Variants in C8orf88 observed in about 807,000 individuals in gnomAD.
The protein encoded by C8orf88 is uncharacterized protein C8orf88.
C8orf88 carries 14 observed loss-of-function variants against 18.4 expected under a neutral mutation model. That is an observed-to-expected ratio of 0.76 (90% CI 0.50 to 1.19). The LOEUF (loss-of-function observed/expected upper bound fraction) is 1.19. Among genes scored for constraint, C8orf88 ranks in the 50% most tolerant of loss-of-function variants. C8orf88 has a pLI of 0.00. For synonymous variants in C8orf88, 45 were observed against 42.9 expected (o/e 1.05, Z -0.19); for missense variants, 116 against 134.7 (o/e 0.86, Z 0.69).
chr8:90,958,864 GCT>G lies in C8orf88; in HGVS notation c.*141_*142del. On this transcript the variant is annotated 3_prime_UTR_variant, in exon 6 of 6. Transcript: ENST00000517562. ...AGAAAATTCTTTATATTTTAAAATA[GCT>G]CTTTCTCATTTTTAGAGAAGTCAAA... 1 of 554,566 alleles carries G rather than the reference GCT, an allele frequency of 1.8e-6. No individual in the cohort carries two copies. Among genetic ancestry groups the G allele is most frequent in the Non-Finnish European group, 3.1e-6 (1 of 322,586 alleles). The allele number at this position is 554,566 out of a possible 1,614,324, so 34.4% of individuals were successfully genotyped here.
At chr8:90,960,708 T>C in intron 5 of C8orf88, 34 bp downstream of exon 5, 11 of 1,214,254 alleles carry the variant, frequency 9.1e-6, no homozygotes, top group Non-Finnish European at 1.3e-5. Flanking sequence ...TTTTGTAATA[T>C]AATATTACAA....
chr8:90,978,456 T>G (rs1276620512), intron 3 of C8orf88, 123 bp downstream of exon 3: 1 of 453,576 alleles, frequency 2.2e-6, no homozygotes, highest in South Asian at 7.7e-5. Flanking sequence ...TACATTATCT[T>G]TAACATATGT....
chr8:90,965,015 CT>C (rs1209725687), intron 4 of C8orf88, among the ~76,000 whole-genome samples: 1 of 151,128 alleles, frequency 6.6e-6, no homozygotes, highest in Non-Finnish European at 1.5e-5. Flanking sequence ...AGATTAAGTC[CT>C]TTTTTATCAG....
chr8:90,965,273 TAA>T (rs1263662988), intron 4 of C8orf88, among the ~76,000 whole-genome samples: 4 of 151,836 alleles, frequency 2.6e-5, no homozygotes, highest in East Asian at 1.9e-4. Context: ...AAAATTGTTA[TAA>T]GAGACAATGG....
intron 3 of C8orf88, among the ~76,000 whole-genome samples, chr8:90,975,222 T>C (rs1270211387): frequency 1.3e-5 from 2 of 152,098 alleles, no homozygotes; most frequent in Admixed American, 1.3e-4. Context: ...GACCTAGAAT[T>C]GTAAAGATAA....
At chr8:90,982,214 G>GA (rs1008602400) in intron 1 of C8orf88, among the ~76,000 whole-genome samples, 1 of 151,412 alleles carries the variant, frequency 6.6e-6, no homozygotes, top group Non-Finnish European at 1.5e-5. Context: ...AATACAATTG[G>GA]ATATAACAAG....
At chr8:90,970,582 T>C (rs1331591419) in intron 4 of C8orf88, among the ~76,000 whole-genome samples, 2 of 152,090 alleles carry the variant, frequency 1.3e-5, no homozygotes, top group African/African-American at 4.8e-5. Context: ...AGGCAAAGTA[T>C]GACCAAGTTC....
At chr8:90,962,909 CTG>C (rs2130301499) in intron 4 of C8orf88, among the ~76,000 whole-genome samples, 1 of 151,478 alleles carries the variant, frequency 6.6e-6, no homozygotes, top group Non-Finnish European at 1.5e-5. Flanking sequence ...GGAGGAAAAA[CTG>C]AAAAAACAGG....
chr8:90,969,401 G>A (rs924505268), intron 4 of C8orf88, among the ~76,000 whole-genome samples: 2 of 151,850 alleles, frequency 1.3e-5, no homozygotes, highest in African/African-American at 4.8e-5. Context: ...AAAGGTAAAT[G>A]TGATGGATAT....
chr8:90,970,204 CTA>C (rs1228592263), intron 4 of C8orf88, among the ~76,000 whole-genome samples: 3 of 151,730 alleles, frequency 2.0e-5, no homozygotes, highest in Non-Finnish European at 4.4e-5. Flanking sequence ...TGTGAAATAA[CTA>C]TGTGGTGGGG....
chr8:90,962,531 GA>G (rs916174726), intron 4 of C8orf88, among the ~76,000 whole-genome samples: 9 of 149,912 alleles, frequency 6.0e-5, no homozygotes, highest in African/African-American at 1.5e-4. Context: ...ACTTAGTGAA[GA>G]AAAAAAAATA....
intron 3 of C8orf88, among the ~76,000 whole-genome samples, chr8:90,974,338 C>G (rs1463454655): frequency 1.3e-5 from 2 of 152,132 alleles, no homozygotes; most frequent in African/African-American, 4.8e-5. Flanking sequence ...ATAAGAAGCC[C>G]AAGCCACTTG....
chr8:90,980,727 C>T (rs1811422785), intron 1 of C8orf88, among the ~76,000 whole-genome samples: 2 of 152,154 alleles, frequency 1.3e-5, no homozygotes, highest in South Asian at 4.1e-4. Flanking sequence ...GAGTCTCACT[C>T]TGTCACCCAG....
intron 5 of C8orf88, chr8:90,959,310 A>G (rs749624751): frequency 3.7e-5 from 7 of 190,160 alleles, no homozygotes; most frequent in Non-Finnish European, 5.3e-5. Context: ...GTAAATCACA[A>G]GTAAAATGAA....
rs567269002 is a variant in C8orf88 at position 90,968,864 on chromosome 8, C to T, written c.223+2202G>A. On this transcript the variant is annotated intron_variant, in intron 4 of 5. Transcript: ENST00000517562. ...CCAAAAAAGAAATAGAAATAGCCAA[C>T]AAGCACACGAAAAAACAGTATCATA... Among the ~76,000 whole-genome samples, 4 of 150,718 alleles carry T rather than the reference C, an allele frequency of 2.7e-5. No homozygotes were observed. The South Asian group carries it at 8.4e-4, about 32-fold the overall frequency.
At chr8:90,961,724 A>G (rs1425490985) in intron 4 of C8orf88, among the ~76,000 whole-genome samples, 1 of 151,314 alleles carries the variant, frequency 6.6e-6, no homozygotes, top group African/African-American at 2.4e-5. Flanking sequence ...TTTTTCTCTA[A>G]GTTTTATTTT....
At chr8:90,964,962 A>T (rs73298099) in intron 4 of C8orf88, among the ~76,000 whole-genome samples, 21 of 151,676 alleles carry the variant, frequency 1.4e-4, no homozygotes, top group African/African-American at 4.6e-4. Context: ...GGAGGAATTA[A>T]GTAACAAAAA....
intron 2 of C8orf88, 92 bp downstream of exon 2, chr8:90,980,271 T>A: frequency 1.3e-6 from 1 of 750,080 alleles, no homozygotes; most frequent in Non-Finnish European, 1.9e-6. Flanking sequence ...AATATCCACC[T>A]GAAACAATAC....
intron 4 of C8orf88, among the ~76,000 whole-genome samples, chr8:90,967,096 G>C (rs568825561): frequency 6.6e-6 from 1 of 151,778 alleles, no homozygotes; most frequent in East Asian, 1.9e-4. Flanking sequence ...ATTGAAAAAA[G>C]AAACAGTGAA....
Sources: gnomAD v4.1 joint callset for allele counts (sites outside exome capture counted in the v4.1 genomes callset) on GRCh38, gnomAD v4.1.1 for gene constraint, MANE v1.5 for transcripts, NCBI Gene and HGNC (gene_info 2026-07-23, HGNC 2026-07-21) for gene names.